Variants in CDH13 observed in about 807,000 individuals in gnomAD.
CDH13 encodes cadherin 13, also known as cadherin-13.
CDH13 carries 24 observed loss-of-function variants against 63.8 expected under a neutral mutation model. The observed-to-expected ratio is 0.38, with a 90% CI of 0.27 to 0.53. The LOEUF (loss-of-function observed/expected upper bound fraction) is 0.53, where lower values mean the gene tolerates loss of function less well. Among genes scored for constraint, CDH13 ranks in the 20% least tolerant of loss-of-function variants. The probability of loss-of-function intolerance (pLI) is 0.85; values close to 1 mark genes in which losing one functional copy is unlikely to be tolerated. For synonymous variants in CDH13, 503 were observed against 355.3 expected (o/e 1.42, Z -4.67); for missense variants, 1,049 against 903.1 (o/e 1.16, Z -2.07).
intron 6 of CDH13, among the ~76,000 whole-genome samples, chr16:83,400,447 G>A (rs546697173): frequency 3.9e-5 from 6 of 152,296 alleles, no homozygotes; most frequent in Admixed American, 3.3e-4. Flanking sequence ...GGAGCTCTGT[G>A]AGTGGTGCCC....
chr16:83,406,786 G>T (rs2092054852), intron 6 of CDH13, among the ~76,000 whole-genome samples: 1 of 152,142 alleles, frequency 6.6e-6, no homozygotes. Flanking sequence ...CTTTCTAGCT[G>T]AGGATTCTGT....
chr16:82,913,262 G>A (rs972888091), intron 2 of CDH13, among the ~76,000 whole-genome samples: 1 of 152,146 alleles, frequency 6.6e-6, no homozygotes. Context: ...TCTGAAGTGA[G>A]AGAGGGAAAC....
At chr16:83,150,183 T>C (rs1378854083) in intron 4 of CDH13, among the ~76,000 whole-genome samples, 5 of 152,206 alleles carry the variant, frequency 3.3e-5, no homozygotes, top group South Asian at 2.1e-4. Context: ...AGTCCCTTTG[T>C]GTTGATGCTT....
intron 6 of CDH13, among the ~76,000 whole-genome samples, chr16:83,478,571 T>A (rs943909960): frequency 5.3e-5 from 8 of 152,146 alleles, no homozygotes; most frequent in African/African-American, 1.9e-4. Context: ...TAACAACCCC[T>A]GGATAACTGG....
In CDH13 at chr16:83,075,382, T is replaced by G. The variant is rs570712903; in HGVS notation, c.366+43164T>G. 3.3e-5 allele frequency among the ~76,000 whole-genome samples: 5 copies of G among 152,344 alleles called. No individual in the cohort carries two copies. In the South Asian group the frequency reaches 1.0e-3, roughly 32 times the overall value. On this transcript the variant is annotated intron_variant, in intron 3 of 13. Transcript: ENST00000567109. ...CCACCTGAGCTCTCCCTGTTAGCGC[T>G]AGTTACATGTAGCATGTGAGCTGGG...
In CDH13 at chr16:82,673,259, C is replaced by T. The variant is rs760572298; in HGVS notation, c.45+46122C>T. On this transcript the variant is annotated intron_variant, in intron 1 of 13. Transcript: ENST00000567109. The stretch of plus-strand genomic sequence containing the variant: ...CCTTCCTTTTGTTTCTCTTCTCAGC[C>T]GTGTGTCTCTTTCCTCTGTCATTCA... Among the ~76,000 whole-genome samples, 8 of 152,040 alleles carry T rather than the reference C, an allele frequency of 5.3e-5. No individual in the cohort carries two copies. In the South Asian group the frequency reaches 1.0e-3, roughly 20 times the overall value.
At chr16:83,142,132 C>A (rs537555745) in intron 4 of CDH13, among the ~76,000 whole-genome samples, 20 of 151,406 alleles carry the variant, frequency 1.3e-4, no homozygotes, top group African/African-American at 4.4e-4. Context: ...TGTCCCTGTG[C>A]CTGAACCATT....
chr16:82,742,166 A>G (rs1055127744), intron 1 of CDH13, among the ~76,000 whole-genome samples: 2 of 152,202 alleles, frequency 1.3e-5, no homozygotes, highest in African/African-American at 4.8e-5. Context: ...AGAAATTAAG[A>G]GCACAAGAAA....
At chr16:82,868,875 C>A (rs760057448) in intron 2 of CDH13, among the ~76,000 whole-genome samples, 14 of 152,108 alleles carry the variant, frequency 9.2e-5, no homozygotes, top group Non-Finnish European at 1.6e-4. Context: ...AAATCTAAGG[C>A]CGATCCTTTA....
intron 1 of CDH13, among the ~76,000 whole-genome samples, chr16:82,778,063 T>A (rs2035580251): frequency 6.6e-6 from 1 of 152,116 alleles, no homozygotes; most frequent in Non-Finnish European, 1.5e-5. Context: ...CACCCCACCC[T>A]CAGTGGAGGG....
intron 6 of CDH13, among the ~76,000 whole-genome samples, chr16:83,395,495 A>G (rs1022953588): frequency 6.6e-6 from 1 of 152,248 alleles, no homozygotes; most frequent in East Asian, 1.9e-4. Flanking sequence ...TCTTCCAGCT[A>G]CTAGGTTTGA....
At chr16:83,459,228 C>T (rs2073108328) in intron 6 of CDH13, among the ~76,000 whole-genome samples, 2 of 152,220 alleles carry the variant, frequency 1.3e-5, no homozygotes, top group Non-Finnish European at 2.9e-5. Context: ...ATTTTGTTAG[C>T]ATTGGGATGC....
At chr16:83,313,161 CATTT>C (rs1447722719) in intron 5 of CDH13, among the ~76,000 whole-genome samples, 3 of 152,138 alleles carry the variant, frequency 2.0e-5, no homozygotes, top group African/African-American at 7.2e-5. Flanking sequence ...TCTCCTGAGC[CATTT>C]ATTTAAGTAG....
intron 3 of CDH13, among the ~76,000 whole-genome samples, chr16:83,043,569 G>A (rs1047476127): frequency 1.3e-5 from 2 of 150,868 alleles, no homozygotes; most frequent in African/African-American, 4.9e-5. Flanking sequence ...ATTTCAACAA[G>A]TAATCAAGGC....
chr16:82,819,683 G>C (rs1233217952), intron 1 of CDH13, among the ~76,000 whole-genome samples: 1 of 152,224 alleles, frequency 6.6e-6, no homozygotes, highest in Non-Finnish European at 1.5e-5. Flanking sequence ...GCACTCAAGG[G>C]AAGGGAGGCA....
At chr16:82,906,273 C>T (rs1395812345) in intron 2 of CDH13, among the ~76,000 whole-genome samples, 3 of 152,164 alleles carry the variant, frequency 2.0e-5, no homozygotes, top group Non-Finnish European at 4.4e-5. Context: ...CCCCACTAAG[C>T]TTATAGCTTA....
intron 8 of CDH13, among the ~76,000 whole-genome samples, chr16:83,664,950 A>G (rs1320233344): frequency 6.6e-6 from 1 of 152,226 alleles, no homozygotes; most frequent in Non-Finnish European, 1.5e-5. Context: ...TTTTGTGCCT[A>G]GTGGAGTCTC....
intron 7 of CDH13, among the ~76,000 whole-genome samples, chr16:83,526,406 A>G (rs550329958): frequency 6.6e-6 from 1 of 152,192 alleles, no homozygotes; most frequent in Admixed American, 6.5e-5. Context: ...TTTCCGGATG[A>G]AACTGTTCCA....
intron 4 of CDH13, among the ~76,000 whole-genome samples, chr16:83,176,981 A>G (rs1010750231): frequency 6.6e-6 from 1 of 152,194 alleles, no homozygotes; most frequent in Non-Finnish European, 1.5e-5. Flanking sequence ...CCCGGATGCC[A>G]TGATGAGGCA....
Sources: allele counts gnomAD v4.1 joint callset (sites outside exome capture counted in the v4.1 genomes callset), GRCh38; gene constraint gnomAD v4.1.1; transcripts MANE v1.5; gene names NCBI Gene and HGNC (gene_info 2026-07-23, HGNC 2026-07-21).